HEMGN: variants seen among roughly 807,000 people sequenced by gnomAD.
HEMGN encodes the protein hemogen, also known as erythroid differentiation-associated gene protein.
Under a neutral mutation model 45.7 loss-of-function variants are expected in HEMGN, and 32 were observed. That is an observed-to-expected ratio of 0.70 (90% CI 0.53 to 0.94). HEMGN has a LOEUF of 0.94. Among genes scored for constraint, HEMGN ranks in the 40% least tolerant of loss-of-function variants. The pLI is 0.00. For synonymous variants in HEMGN, 183 were observed against 178.6 expected, an observed-to-expected ratio of 1.02 and a Z score of -0.20; for missense variants, 530 against 564.2, an observed-to-expected ratio of 0.94 and a Z score of 0.61.
chr9:97,931,172 CT>C lies in HEMGN; in HGVS notation c.222del (p.Gly75AlafsTer10). 3 of 1,612,176 alleles carry C rather than the reference CT, an allele frequency of 1.9e-6. No individual in the cohort carries two copies. The highest frequency in any genetic ancestry group is 2.5e-6 in the Non-Finnish European group (3 of 1,179,632). On this transcript the variant is annotated frameshift_variant, in exon 3 of 4. Coordinates refer to ENST00000616898, the MANE Select transcript of HEMGN (RefSeq NM_197978.3). LOFTEE classifies it high-confidence loss of function. ...TCTGTGTTTTGTTGTCTCTTTCTGCCTCTTCGATTTCCTTTTCCTGTTCTCT... is the reference window on the plus strand; with the variant it reads ...TCTGTGTTTTGTTGTCTCTTTCTGCCCTTCGATTTCCTTTTCCTGTTCTCT... ...KQQRTGKGNR[R>X]GRKRQQNTEL...
At chr9:97,939,290 A>C (rs570486212), upstream of HEMGN, among the ~76,000 whole-genome samples, 2 of 152,222 alleles carry the variant, frequency 1.3e-5, no homozygotes, top group Non-Finnish European at 2.9e-5. Flanking sequence ...CCAGTAATCC[A>C]TATGAGGCAT....
At position 97,930,163 on chromosome 9, in the gene HEMGN, T is replaced by C. The variant is rs150117068; in HGVS notation, c.1232A>G (p.Glu411Gly). The C allele has an allele frequency of 1.7e-5, 28 of 1,614,070 alleles. No homozygotes were observed. The highest frequency in any genetic ancestry group is 2.7e-5 in the African/African-American group (2 of 74,924). Residue 411 changes from glutamate (E) to glycine (G), a missense_variant, in exon 3 of 4, where the codon GAG becomes GGG. By Grantham distance (98) the Glu-to-Gly change is moderately conservative. Transcript: ENST00000616898. ...AGGCACATCCTTATTTTTATATGTC[T>C]CAGTAGAGAGGTCTTCAGGCCCCGG... ...ETPGPEDLST[E>G]TYKNKDVPKE...
intron 2 of HEMGN, among the ~76,000 whole-genome samples, chr9:97,933,273 AATAC>A (rs1826991346): frequency 1.3e-5 from 2 of 152,234 alleles, no homozygotes; most frequent in Non-Finnish European, 2.9e-5. Context: ...GACTCATATG[AATAC>A]AGGAAACACT....
rs755598168 is a variant in HEMGN, at chr9:97,930,879, G to A, written c.516C>T (p.Leu172=). 51 of 1,613,984 alleles carry A rather than the reference G, an allele frequency of 3.2e-5. No homozygotes were observed. The highest frequency in any genetic ancestry group is 4.0e-5 in the Non-Finnish European group (47 of 1,179,970). ...ATATTTCTTGGTACATTTTAGGAGA[G>A]AGGTCTTCAGGTTCAGACACATGTT... ...TCQHVSEPED[L]SPKMYQEISV... is the part of the protein sequence containing the mutation. The change falls in exon 3 of 4, where the codon CTC becomes CTT. Residue 172 remains leucine, a synonymous_variant. Transcript: ENST00000616898.
rs1826845732 is a variant in HEMGN, at chr9:97,927,332, A to T, written c.*52T>A. On this transcript the variant is annotated 3_prime_UTR_variant, in exon 4 of 4. Transcript: ENST00000616898. ...ACAATATTTTGAGAAAATCACGCAT[A>T]AACTATTAAGCTGTATGTTCCATTG... 1.1e-6 allele frequency: 1 copy of T among 949,784 alleles called. No individual in the cohort carries two copies. Among genetic ancestry groups the T allele is most frequent in the Non-Finnish European group, 1.6e-6 (1 of 621,412 alleles). The allele number at this position is 949,784 out of a possible 1,614,324, so 58.8% of individuals were successfully genotyped here.
At chr9:97,931,335 CACTT>C (rs1826949877) in intron 2 of HEMGN, 114 bp from the exon 3 acceptor site, 2 of 718,342 alleles carry the variant, frequency 2.8e-6, no homozygotes, top group Non-Finnish European at 4.6e-6. Flanking sequence ...ATGAACTAGT[CACTT>C]AATCTCTCTG....
At position 97,930,964 on chromosome 9, in the gene HEMGN, T is replaced by C. The variant is rs559750808; in HGVS notation, c.431A>G (p.Gln144Arg). 37 of 1,614,216 alleles carry C rather than the reference T, an allele frequency of 2.3e-5. No homozygotes were observed. In the East Asian group the frequency reaches 6.2e-4, roughly 27 times the overall value. Residue 144 changes from glutamine (Q) to arginine (R), a missense_variant, in exon 3 of 4, where the codon CAG becomes CGG. Physicochemically the swap from Gln to Arg is conservative, Grantham distance 43. Transcript: ENST00000616898. ...SEICQESNIY[Q>R]ENFSEYQEIA... The stretch of plus-strand genomic sequence containing the variant: ...TTCTTGGTACTCAGAAAAATTCTCC[T>C]GATATATGTTACTTTCTTGACATAT...
chr9:97,930,638 G>C lies in HEMGN; in HGVS notation c.757C>G (p.Leu253Val). The C allele has an allele frequency of 1.2e-6, 2 of 1,614,182 alleles. No individual in the cohort carries two copies. The highest frequency in any genetic ancestry group is 1.7e-6 in the Non-Finnish European group (2 of 1,180,008). ...TATGCTTGAAGAGAGCATCCTGCCA[G>C]ATCAGCTGTGTCTTCAGATGTTGGA... ...PCPTSEDTAD[L>V]AGCSLQAYPK... Residue 253 changes from leucine (L) to valine (V), a missense_variant, in exon 3 of 4, where the codon CTG (leucine) becomes GTG (valine). Physicochemically the swap from Leu to Val is conservative, Grantham distance 32 (BLOSUM62 1). Transcript: ENST00000616898.
chr9:97,940,348 T>C (rs1022181615), upstream of HEMGN, among the ~76,000 whole-genome samples: 2 of 152,156 alleles, frequency 1.3e-5, no homozygotes, highest in African/African-American at 4.8e-5. Flanking sequence ...ATTCCACCCC[T>C]GCCCCATGTT....
At chr9:97,934,353 A>AAT (rs1483801044) in intron 2 of HEMGN, among the ~76,000 whole-genome samples, 22 of 149,334 alleles carry the variant, frequency 1.5e-4, no homozygotes, top group Admixed American at 2.0e-4. Flanking sequence ...TCTCAAAACG[A>AAT]GTGAATGAAT....
chr9:97,942,312 T>C (rs1328005198), upstream of HEMGN, among the ~76,000 whole-genome samples: 20 of 145,622 alleles, frequency 1.4e-4, no homozygotes, highest in African/African-American at 5.1e-4. Context: ...AGATGGGGTC[T>C]CACTCTGTTG....
chr9:97,936,306 G>C (rs1331814245), intron 1 of HEMGN, 42 bp from the exon 2 acceptor site: 2 of 1,368,368 alleles, frequency 1.5e-6, no homozygotes, highest in Non-Finnish European at 2.1e-6. Flanking sequence ...GATGAACTGT[G>C]GTGTCTATCA....
rs554189548 is a variant in HEMGN at position 97,937,749 on chromosome 9, G to A, written c.79+309C>T. Among the ~76,000 whole-genome samples, 3 of 152,206 alleles carry A rather than the reference G, an allele frequency of 2.0e-5. No individual in the cohort carries two copies. In the South Asian group the frequency reaches 6.2e-4, roughly 32 times the overall value. On this transcript the variant is annotated intron_variant, in intron 1 of 3. Transcript: ENST00000616898. Reference sequence around the variant, plus strand: ...GGCCTAAGTTTCCACAAAACATTTTGAGAAATGTTGCTTTAGGATAGATCC... The same window carrying A: ...GGCCTAAGTTTCCACAAAACATTTTAAGAAATGTTGCTTTAGGATAGATCC...
chr9:97,936,586 A>G lies in HEMGN; in HGVS notation c.80-322T>C, dbSNP rs1827065244. Among the ~76,000 whole-genome samples the G allele has an allele frequency of 2.6e-5, 4 of 152,210 alleles. No individual in the cohort carries two copies. The South Asian group carries it at 6.2e-4, about 24-fold the overall frequency. On this transcript the variant is annotated intron_variant, in intron 1 of 3. Coordinates refer to ENST00000616898, the MANE Select transcript of HEMGN (RefSeq NM_197978.3). Reference sequence around the variant, plus strand: ...GTAGCCATATTTTGCTGTCTTTAACATGATAACTTGTTTTCATTTTATTCC... The same window carrying G: ...GTAGCCATATTTTGCTGTCTTTAACGTGATAACTTGTTTTCATTTTATTCC...
upstream of HEMGN, among the ~76,000 whole-genome samples, chr9:97,941,226 A>T (rs1000272795): frequency 6.6e-6 from 1 of 152,058 alleles, no homozygotes; most frequent in Admixed American, 6.6e-5. Flanking sequence ...AACAGAACTG[A>T]TGGAGGTGAG....
At chr9:97,942,286 T>G (rs569223162), upstream of HEMGN, among the ~76,000 whole-genome samples, 17 of 148,656 alleles carry the variant, frequency 1.1e-4, no homozygotes, top group East Asian at 1.2e-3. Flanking sequence ...TTTTTTTTTT[T>G]TTTTTTTTGT....
In HEMGN at chr9:97,927,456, T is replaced by G. The variant is rs778444150; in HGVS notation, c.1383A>C (p.Glu461Asp). Reference protein sequence around the residue: ...FPQEMKEKPKEEPGIPAILNE... With the variant: ...FPQEMKEKPKDEPGIPAILNE... ...TCAGAATTGCTGGTATTCCTGGCTC[T>G]TCTTTGGGTTTTTCTTTCATTTCTG... The change falls in exon 4 of 4, where the codon GAA becomes GAC. Residue 461 changes from glutamate (E) to aspartate (D), a missense_variant. Glu to Asp is a conservative substitution (Grantham distance 45, BLOSUM62 2). Transcript: ENST00000616898. 8.1e-6 allele frequency: 13 copies of G among 1,607,456 alleles called. No homozygotes were observed. Among genetic ancestry groups the G allele is most frequent in the Middle Eastern group, 1.7e-4 (1 of 6,038 alleles).
chr9:97,939,949 T>A (rs971455552), upstream of HEMGN, among the ~76,000 whole-genome samples: 4 of 152,212 alleles, frequency 2.6e-5, no homozygotes, highest in Admixed American at 2.6e-4. Flanking sequence ...TTTTCAGATA[T>A]GGGGTTTAAA....
chr9:97,930,170 A>T lies in HEMGN; in HGVS notation c.1225T>A (p.Ser409Thr), dbSNP rs1826914250. 19 of 1,614,196 alleles carry T rather than the reference A, an allele frequency of 1.2e-5. No individual in the cohort carries two copies. The highest frequency in any genetic ancestry group is 1.4e-5 in the Non-Finnish European group (16 of 1,180,028). Reference protein sequence around the residue: ...YQETPGPEDLSTETYKNKDVP... With the variant: ...YQETPGPEDLTTETYKNKDVP... ...TCCTTATTTTTATATGTCTCAGTAG[A>T]GAGGTCTTCAGGCCCCGGTGTTTCT... The change falls in exon 3 of 4, where the codon TCT becomes ACT. Residue 409 changes from serine to threonine, a missense_variant. Coordinates refer to ENST00000616898, the MANE Select transcript of HEMGN (RefSeq NM_197978.3).
Sources: allele counts gnomAD v4.1 joint callset (sites outside exome capture counted in the v4.1 genomes callset), GRCh38; gene constraint gnomAD v4.1.1; transcripts MANE v1.5; gene names NCBI Gene and HGNC (gene_info 2026-07-23, HGNC 2026-07-21).